RNF19B: variants seen among roughly 807,000 people sequenced by gnomAD.
The protein encoded by RNF19B is E3 ubiquitin-protein ligase RNF19B.
In RNF19B, 23 loss-of-function variants were observed where a neutral mutation model predicts 65.5. The ratio of observed to expected loss-of-function variants is 0.35; its 90% confidence interval spans 0.25 to 0.50. RNF19B has a LOEUF of 0.50. Ranked by LOEUF, RNF19B falls within the 20% of genes least tolerant of loss-of-function variation. RNF19B has a pLI of 0.98. For synonymous variants in RNF19B, 372 were observed against 379.6 expected (o/e 0.98, Z 0.23); for missense variants, 794 against 980.0 (o/e 0.81, Z 2.53).
intron 1 of RNF19B, among the ~76,000 whole-genome samples, chr1:32,961,371 G>A (rs1642765758): frequency 6.6e-6 from 1 of 152,144 alleles, no homozygotes; most frequent in Admixed American, 6.5e-5. Context: ...TAAAACAGGG[G>A]CTGAATGGAA....
chr1:32,935,062 C>T (rs1642075018), downstream of RNF19B, among the ~76,000 whole-genome samples: 1 of 151,956 alleles, frequency 6.6e-6, no homozygotes, highest in Non-Finnish European at 1.5e-5. Context: ...GATCTCCTGA[C>T]CTCGTGATTC....
Position 32,936,506 on chromosome 1 carries a change from C to G in RNF19B, c.*300G>C, listed in dbSNP as rs900106541. 2.0e-5 allele frequency: 5 copies of G among 246,210 alleles called. No homozygotes were observed. Among genetic ancestry groups the G allele is most frequent in the Non-Finnish European group, 3.9e-5 (5 of 129,356 alleles). The allele number at this position is 246,210 out of a possible 1,614,324, so 15.3% of individuals were successfully genotyped here. A position where few individuals can be genotyped will look rare whatever the true frequency, so the allele number is the denominator to read the frequency against. On this transcript the variant is annotated 3_prime_UTR_variant, in exon 9 of 9. Coordinates refer to ENST00000235150, the MANE Select transcript of RNF19B (RefSeq NM_001300826.2). ...GTCTTTCAGTAATATGTTTAGCATT[C>G]AATATACACACATACATATGTACAC...
At chr1:32,938,184 A>C (rs1642152380) in intron 8 of RNF19B, 1 of 454,310 alleles carries the variant, frequency 2.2e-6, no homozygotes, top group Non-Finnish European at 3.9e-6. Context: ...AAAGGAAGAA[A>C]GAAAAGAAAT....
chr1:32,941,519 G>A (rs1642230626), intron 7 of RNF19B, among the ~76,000 whole-genome samples: 1 of 151,540 alleles, frequency 6.6e-6, no homozygotes, highest in Non-Finnish European at 1.5e-5. Context: ...CAGCCTGGGC[G>A]ACAGAGCAAG....
intron 7 of RNF19B, 101 bp from the exon 8 acceptor site, chr1:32,938,629 G>A: frequency 7.9e-7 from 1 of 1,259,746 alleles, no homozygotes; most frequent in South Asian, 1.4e-5. Flanking sequence ...TGCAAATTGT[G>A]GTTGTCTGTC....
Position 32,948,291 on chromosome 1 carries a change from G to T in RNF19B, c.914C>A (p.Thr305Asn). The change falls in exon 3 of 9, where the codon ACC becomes AAC. Residue 305 changes from threonine (T) to asparagine (N), a missense_variant. By Grantham distance (65) the Thr-to-Asn change is moderately conservative. Coordinates refer to ENST00000235150, the MANE Select transcript of RNF19B (RefSeq NM_001300826.2). The stretch of plus-strand genomic sequence containing the variant: ...GAATTCACAGCCACACACTGCACAG[G>T]TCATGTGATTACAGCTTCCATCATT... ...KMNDGSCNHM[T>N]CAVCGCEFCW... is the part of the protein sequence containing the mutation. The T allele has an allele frequency of 6.2e-7, 1 of 1,614,008 alleles. No homozygotes were observed. The highest frequency in any genetic ancestry group is 1.1e-5 in the South Asian group (1 of 91,070).
chr1:32,938,815 C>T (rs1402960316), intron 7 of RNF19B, among the ~76,000 whole-genome samples: 1 of 152,108 alleles, frequency 6.6e-6, no homozygotes, highest in African/African-American at 2.4e-5. Context: ...CCCTTAAGTC[C>T]AAGTCAAACA....
intron 8 of RNF19B, 91 bp downstream of exon 8, chr1:32,938,303 TACA>T: frequency 7.7e-7 from 1 of 1,303,202 alleles, no homozygotes; most frequent in East Asian, 2.3e-5. Flanking sequence ...CAGGAGATGG[TACA>T]TACAGCCCTA....
chr1:32,942,957 G>C (rs567065551), intron 6 of RNF19B, among the ~76,000 whole-genome samples: 2 of 151,856 alleles, frequency 1.3e-5, no homozygotes, highest in East Asian at 3.9e-4. Flanking sequence ...TGGCTAACAC[G>C]GTGAAACCCC....
chr1:32,944,251 A>G (rs916867697), intron 5 of RNF19B, 92 bp from the exon 6 acceptor site: 15 of 1,395,594 alleles, frequency 1.1e-5, no homozygotes, highest in Non-Finnish European at 1.5e-5. Context: ...AAACCACTTT[A>G]TAAAGAAAGG....
chr1:32,944,654 T>C (rs1012370476), intron 5 of RNF19B, among the ~76,000 whole-genome samples: 1 of 152,138 alleles, frequency 6.6e-6, no homozygotes, highest in Middle Eastern at 3.2e-3. Flanking sequence ...ACTTGATTCA[T>C]GTCCCAGCTA....
At chr1:32,958,714 C>T (rs1478592166) in intron 1 of RNF19B, among the ~76,000 whole-genome samples, 2 of 147,492 alleles carry the variant, frequency 1.4e-5, no homozygotes. Flanking sequence ...AGCGAGACTC[C>T]ATCTAAAAAA....
At chr1:32,944,835 C>A (rs570729651) in intron 5 of RNF19B, among the ~76,000 whole-genome samples, 9 of 152,194 alleles carry the variant, frequency 5.9e-5, no homozygotes, top group African/African-American at 2.2e-4. Flanking sequence ...ACTACAGGCA[C>A]CCGCTACCAC....
intron 7 of RNF19B, 148 bp from the exon 8 acceptor site, chr1:32,938,676 C>T (rs763188464): frequency 4.0e-5 from 30 of 758,958 alleles, no homozygotes; most frequent in Non-Finnish European, 5.8e-5. Flanking sequence ...CAAATAGATG[C>T]CCATACATTT....
rs1485786323 is a variant in RNF19B, at chr1:32,936,641, G to C, written c.*165C>G. 1.3e-5 allele frequency: 9 copies of C among 697,002 alleles called. No homozygotes were observed. The East Asian group carries it at 2.7e-4, about 21-fold the overall frequency. The allele number at this position is 697,002 out of a possible 1,614,324, so 43.2% of individuals were successfully genotyped here. ...ACGGCAAACTTTTCATGTTTTATCT[G>C]GTAAGAAATTGTGAATTTCTCAGAA... On this transcript the variant is annotated 3_prime_UTR_variant, in exon 9 of 9. Coordinates refer to ENST00000235150, the MANE Select transcript of RNF19B (RefSeq NM_001300826.2).
chr1:32,949,296 T>A lies in RNF19B; in HGVS notation c.841+273A>T, dbSNP rs531335699. Reference sequence around the variant, plus strand: ...AAGCCCCTAGCAAAACAAAATGAACTAATTGCTCTCCAATCTGAGACATAT... The same window carrying A: ...AAGCCCCTAGCAAAACAAAATGAACAAATTGCTCTCCAATCTGAGACATAT... On this transcript the variant is annotated intron_variant, in intron 2 of 8. Coordinates refer to ENST00000235150, the MANE Select transcript of RNF19B (RefSeq NM_001300826.2). 9.8e-5 allele frequency among the ~76,000 whole-genome samples: 15 copies of A among 152,352 alleles called. No homozygotes were observed. The South Asian group carries it at 2.7e-3, about 27-fold the overall frequency.
intron 1 of RNF19B, among the ~76,000 whole-genome samples, chr1:32,959,881 CAAAAAA>C (rs35488614): frequency 3.2e-5 from 3 of 93,180 alleles, no homozygotes; most frequent in African/African-American, 7.8e-5. Flanking sequence ...ACTAAAAATA[CAAAAAA>C]AAAAAAAAAA....
At chr1:32,948,192 C>A in intron 3 of RNF19B, 30 bp downstream of exon 3, 1 of 1,608,914 alleles carries the variant, frequency 6.2e-7, no homozygotes, top group Non-Finnish European at 8.5e-7. Flanking sequence ...AATGAGACTA[C>A]GAAAGGAATG....
intron 1 of RNF19B, among the ~76,000 whole-genome samples, chr1:32,960,406 T>G (rs1642741770): frequency 6.6e-6 from 1 of 152,160 alleles, no homozygotes. Context: ...AACTGGGACT[T>G]GGACTTCTCT....
Sources: gnomAD v4.1 joint callset for allele counts (sites outside exome capture counted in the v4.1 genomes callset) on GRCh38, gnomAD v4.1.1 for gene constraint, MANE v1.5 for transcripts, NCBI Gene and HGNC (gene_info 2026-07-23, HGNC 2026-07-21) for gene names.